AHRR: variants seen among roughly 807,000 people sequenced by gnomAD.
AHRR encodes the protein aryl hydrocarbon receptor repressor.
A neutral mutation model predicts 44.0 loss-of-function variants in AHRR; 28 were observed. The observed-to-expected ratio is 0.64, with a 90% CI of 0.47 to 0.87. The LOEUF (loss-of-function observed/expected upper bound fraction) is 0.87. Ranked by LOEUF, AHRR falls within the 40% of genes least tolerant of loss-of-function variation. The probability of loss-of-function intolerance (pLI) is 0.00; values close to 1 mark genes in which losing one functional copy is unlikely to be tolerated. For missense variants in AHRR, 990 were observed against 953.9 expected (o/e 1.04, Z -0.50); for synonymous variants, 434 against 407.0 (o/e 1.07, Z -0.80).
chr5:334,004 G>C (rs1296590093), intron 1 of AHRR, among the ~76,000 whole-genome samples: 1 of 152,062 alleles, frequency 6.6e-6, no homozygotes, highest in Non-Finnish European at 1.5e-5. Flanking sequence ...CAAATTGTTG[G>C]CCGAAAGTTT....
chr5:426,634 G>T (rs1736408349), intron 7 of AHRR, among the ~76,000 whole-genome samples: 1 of 149,632 alleles, frequency 6.7e-6, no homozygotes, highest in Non-Finnish European at 1.5e-5. Flanking sequence ...TGGGTGGATG[G>T]ATGGATGGAT....
At chr5:345,528 ATG>A (rs1742634558) in intron 2 of AHRR, among the ~76,000 whole-genome samples, 1 of 95,278 alleles carries the variant, frequency 1.0e-5, no homozygotes, top group African/African-American at 4.1e-5. Flanking sequence ...GTGTCAGATG[ATG>A]TCTCTGGCTG....
chr5:399,237 T>C (rs926180664), intron 4 of AHRR, among the ~76,000 whole-genome samples: 1 of 152,178 alleles, frequency 6.6e-6, no homozygotes, highest in East Asian at 1.9e-4. Flanking sequence ...GGTCCCAGGC[T>C]TAGGGATCGG....
In AHRR at chr5:423,977, GGTGAGTGC is replaced by G. The variant is rs1684388075; in HGVS notation, c.708+4_708+11del. Reference sequence around the variant, plus strand: ...TGCTGGACAGCACCTCGGGCTTCCTGGTGAGTGCGTGGGTCCCTGGCAGGGGGCTCCCG... The same window carrying G: ...TGCTGGACAGCACCTCGGGCTTCCTGGTGGGTCCCTGGCAGGGGGCTCCCG... On this transcript the variant is annotated splice_donor_variant and splice_donor_5th_base_variant and intron_variant, in intron 7 of 10. Coordinates refer to ENST00000684583, the MANE Select transcript of AHRR (RefSeq NM_001377236.1). LOFTEE classifies it high-confidence loss of function. The G allele has an allele frequency of 6.3e-7, 1 of 1,598,464 alleles. No individual in the cohort carries two copies. The highest frequency in any genetic ancestry group is 1.3e-5 in the African/African-American group (1 of 74,912).
intron 3 of AHRR, among the ~76,000 whole-genome samples, chr5:354,794 G>A (rs927843076): frequency 8.5e-5 from 13 of 152,160 alleles, no homozygotes; most frequent in East Asian, 1.9e-4. Context: ...TCCCCTGGGC[G>A]GGGGGCGTCT....
At chr5:396,408 G>A (rs192182945) in intron 4 of AHRR, among the ~76,000 whole-genome samples, 36 of 152,242 alleles carry the variant, frequency 2.4e-4, no homozygotes, top group African/African-American at 8.7e-4. Context: ...GTACTGAGGC[G>A]GGCGGCCCCA....
chr5:386,057 A>C (rs1734158207), intron 4 of AHRR, among the ~76,000 whole-genome samples: 1 of 152,118 alleles, frequency 6.6e-6, no homozygotes, highest in African/African-American at 2.4e-5. Context: ...TTTCAATTTC[A>C]TTCTTTTTTT....
chr5:377,620 G>T (rs1014898733), intron 4 of AHRR, among the ~76,000 whole-genome samples: 12 of 152,240 alleles, frequency 7.9e-5, no homozygotes, highest in Non-Finnish European at 1.3e-4. Context: ...CACCCCCAGT[G>T]CCTGGGAGGG....
Position 326,036 on chromosome 5 carries a change from G to C in AHRR, c.-11+4217G>C, listed in dbSNP as rs1427526669. ...GACCTCAGGCGATTCCCCTGCCTCA[G>C]CCTCCCTAAGTGCTGGGATTACAGG... On this transcript the variant is annotated intron_variant, in intron 1 of 10. Coordinates refer to ENST00000684583, the MANE Select transcript of AHRR (RefSeq NM_001377236.1). The surrounding 1 kb of genome is among the most constrained non-coding windows in gnomAD (Gnocchi z 4.1). 6.6e-6 allele frequency among the ~76,000 whole-genome samples: 1 copy of C among 152,206 alleles called. No homozygotes were observed. The highest frequency in any genetic ancestry group is 2.4e-5 in the African/African-American group (1 of 41,446).
intron 3 of AHRR, among the ~76,000 whole-genome samples, chr5:366,023 A>T (rs963017595): frequency 2.6e-5 from 4 of 152,124 alleles, no homozygotes; most frequent in African/African-American, 7.2e-5. Flanking sequence ...AAAGAGAGAC[A>T]TGAATATGTA....
intron 5 of AHRR, among the ~76,000 whole-genome samples, chr5:415,609 T>TCTGCTGGGAGGCCTA (rs879434059): frequency 2.8e-4 from 39 of 137,256 alleles, no homozygotes; most frequent in Non-Finnish European, 4.5e-4. Flanking sequence ...ATCTGCCTGG[T>TCTGCTGGGAGGCCTA]GGGGCGGGAG....
chr5:367,514 G>A (rs1234225196), intron 3 of AHRR, among the ~76,000 whole-genome samples: 2 of 152,230 alleles, frequency 1.3e-5, no homozygotes, highest in Non-Finnish European at 2.9e-5. Context: ...TGGCCGTGGG[G>A]ACCGGATGAG....
At chr5:371,565 C>T (rs1207197421) in intron 3 of AHRR, among the ~76,000 whole-genome samples, 1 of 152,180 alleles carries the variant, frequency 6.6e-6, no homozygotes, top group Admixed American at 6.5e-5. Flanking sequence ...GGGTAAGCCC[C>T]TGTGTGTCCC....
intron 5 of AHRR, among the ~76,000 whole-genome samples, chr5:414,754 A>G (rs536259818): frequency 1.2e-4 from 19 of 152,388 alleles, no homozygotes; most frequent in South Asian, 2.1e-4. Flanking sequence ...TGTTTGAGAA[A>G]GATCAAAACA....
chr5:373,324 G>C (rs1178145628), intron 3 of AHRR, among the ~76,000 whole-genome samples: 1 of 152,218 alleles, frequency 6.6e-6, no homozygotes, highest in Non-Finnish European at 1.5e-5. Flanking sequence ...GTGGGCCCTG[G>C]GAGTGGTCCT....
chr5:348,439 T>G (rs1301426654), intron 2 of AHRR, among the ~76,000 whole-genome samples: 1 of 152,094 alleles, frequency 6.6e-6, no homozygotes, highest in Non-Finnish European at 1.5e-5. Flanking sequence ...TTGACATTTG[T>G]GTACATCCGT....
chr5:422,799 T>C lies in AHRR; in HGVS notation c.512T>C (p.Leu171Pro). The change falls in exon 6 of 11, where the codon CTC becomes CCC. Residue 171 changes from leucine to proline, a missense_variant. By Grantham distance (98) the Leu-to-Pro change is moderately conservative. Coordinates refer to ENST00000684583, the MANE Select transcript of AHRR (RefSeq NM_001377236.1). ...VDDRQDFCRQ[L>P]HWAMDPPQVV... ...GACCGCCAGGACTTCTGCCGGCAGC[T>C]CCACTGGGCCATGGACCCTCCCCAG... is the stretch of plus-strand genomic sequence containing the variant. 1 of 1,614,042 alleles carries C rather than the reference T, an allele frequency of 6.2e-7. No individual in the cohort carries two copies. The highest frequency in any genetic ancestry group is 8.5e-7 in the Non-Finnish European group (1 of 1,180,022).
intron 3 of AHRR, among the ~76,000 whole-genome samples, chr5:373,046 AG>A (rs1430913651): frequency 6.6e-6 from 1 of 152,176 alleles, no homozygotes; most frequent in African/African-American, 2.4e-5. Context: ...GTTCCAAATG[AG>A]CCCCTTCTTG....
chr5:389,181 T>G, intron 4 of AHRR, among the ~76,000 whole-genome samples: 2 of 37,062 alleles, frequency 5.4e-5, no homozygotes, highest in South Asian at 9.3e-4. Flanking sequence ...CCAGTGGGGT[T>G]GTGGGGGTGT....
Sources: allele counts gnomAD v4.1 joint callset (sites outside exome capture counted in the v4.1 genomes callset), GRCh38; gene constraint gnomAD v4.1.1; non-coding constraint Gnocchi (gnomAD v3.1); transcripts MANE v1.5; gene names NCBI Gene and HGNC (gene_info 2026-07-23, HGNC 2026-07-21).